The following VPS52 variants were observed in gnomAD, a reference collection of about 807,000 sequenced individuals.
VPS52 encodes vacuolar protein sorting-associated protein 52 homolog.
VPS52 carries 56 observed loss-of-function variants against 98.7 expected under a neutral mutation model. That is an observed-to-expected ratio of 0.57 (90% CI 0.46 to 0.71). VPS52 has a LOEUF of 0.71. Among genes scored for constraint, VPS52 ranks in the 30% least tolerant of loss-of-function variants. VPS52 has a pLI of 0.00. For missense variants in VPS52, 742 were observed against 925.9 expected (o/e 0.80, Z 2.58); for synonymous variants, 348 against 346.4 (o/e 1.00, Z -0.05).
At position 33,258,819 on chromosome 6, in the gene VPS52, C is replaced by T. The variant is rs138153037; in HGVS notation, c.1794+4665G>A. Among the ~76,000 whole-genome samples the T allele has an allele frequency of 6.3e-3, 965 of 152,274 alleles. 11 individuals carry two copies. The highest frequency in any genetic ancestry group is 0.021 in the African/African-American group (877 of 41,552). ...CTGGCCTCAACTGATCCATCCGCCT[C>T]AGCCTCCCAAAGTGCTGGGATTACA... is the stretch of plus-strand genomic sequence containing the variant. On this transcript the variant is annotated intron_variant, in intron 17 of 19. Transcript: ENST00000445902.
At chr6:33,269,261 T>A in intron 5 of VPS52, 72 bp from the exon 6 acceptor site, 2 of 1,580,638 alleles carry the variant, frequency 1.3e-6, no homozygotes, top group Non-Finnish European at 1.7e-6. Context: ...AAAGACTCTT[T>A]GTGAAGTCTT....
chr6:33,271,508 T>C lies in VPS52; in HGVS notation c.90+78A>G, dbSNP rs1448475967. On this transcript the variant is annotated intron_variant, in intron 1 of 19. Coordinates refer to ENST00000445902, the MANE Select transcript of VPS52 (RefSeq NM_022553.6). ...CGGGTAGCAGCCAAGTTCCCACCCT[T>C]GTGCCTAAACCCAGCTCAGGTCTTT... 2.6e-6 allele frequency: 4 copies of C among 1,547,422 alleles called. No individual in the cohort carries two copies. The Admixed American group carries it at 5.9e-5, about 23-fold the overall frequency.
chr6:33,271,900 C>CT, upstream of VPS52: 1 of 1,123,068 alleles, frequency 8.9e-7, no homozygotes, highest in South Asian at 1.6e-5. Flanking sequence ...TCGCTGTTCT[C>CT]TTACCTATGA....
In VPS52 at chr6:33,251,582, T is replaced by G; in HGVS notation, c.1961A>C (p.Glu654Ala). Residue 654 changes from glutamate (E) to alanine (A), a missense_variant, in exon 19 of 20, where the codon GAA becomes GCA. By Grantham distance (107) the Glu-to-Ala change is moderately radical. This residue lies in a region of VPS52 where 590 missense variants were observed against 793.3 expected (regional missense o/e 0.74). Coordinates refer to ENST00000445902, the MANE Select transcript of VPS52 (RefSeq NM_022553.6). ...GFGSSWKSSV[E>A]SLSQDVMRSF... ...CCGCATTACATCCTGACTCAGAGAT[T>G]CCACTGATGATTTCCAGGAACTACC... The G allele has an allele frequency of 6.2e-7, 1 of 1,614,078 alleles. No homozygotes were observed. The highest frequency in any genetic ancestry group is 8.5e-7 in the Non-Finnish European group (1 of 1,180,000).
At chr6:33,259,482 A>C (rs971525294) in intron 17 of VPS52, among the ~76,000 whole-genome samples, 22 of 152,196 alleles carry the variant, frequency 1.4e-4, no homozygotes, top group Non-Finnish European at 2.8e-4. Flanking sequence ...AACATTTGAA[A>C]TGATGCTCAA....
intron 17 of VPS52, among the ~76,000 whole-genome samples, chr6:33,253,106 A>G (rs113047101): frequency 2.0e-3 from 298 of 152,294 alleles, no homozygotes; most frequent in African/African-American, 5.9e-3. Flanking sequence ...TCTTCCAAAA[A>G]TAAATTGCAG....
At chr6:33,262,003 G>C (rs764764881) in intron 17 of VPS52, among the ~76,000 whole-genome samples, 1 of 114,878 alleles carries the variant, frequency 8.7e-6, no homozygotes, top group Non-Finnish European at 1.6e-5. Flanking sequence ...TCGCACCATC[G>C]CACTCCAGCC....
At chr6:33,258,386 C>CAAA (rs9280387) in intron 17 of VPS52, among the ~76,000 whole-genome samples, 5 of 88,730 alleles carry the variant, frequency 5.6e-5, no homozygotes, top group East Asian at 3.4e-4. Context: ...AACTCCATCT[C>CAAA]AAAAAAAAAA....
rs565893106 is a variant in VPS52 at position 33,270,813 on chromosome 6, C to A, written c.91-530G>T. 3.7e-4 allele frequency among the ~76,000 whole-genome samples: 56 copies of A among 151,852 alleles called. 1 individual carries two copies. In the South Asian group the frequency reaches 8.5e-3, roughly 23 times the overall value. ...AAAAATACAAAAAATTAGCCGGGCG[C>A]GGTGGCGGGCGCCTGTAGTCCCAGC... On this transcript the variant is annotated intron_variant, in intron 1 of 19. Coordinates refer to ENST00000445902, the MANE Select transcript of VPS52 (RefSeq NM_022553.6).
At chr6:33,269,645 A>G in intron 4 of VPS52, 88 bp from the exon 5 acceptor site, 2 of 1,569,950 alleles carry the variant, frequency 1.3e-6, no homozygotes, top group South Asian at 2.3e-5. Flanking sequence ...TTGAAGTGAT[A>G]GAAACCTCAG....
intron 17 of VPS52, among the ~76,000 whole-genome samples, chr6:33,258,386 C>CAAAAAAAAA (rs9280387): frequency 1.1e-5 from 1 of 88,736 alleles, no homozygotes; most frequent in Non-Finnish European, 2.2e-5. Context: ...AACTCCATCT[C>CAAAAAAAAA]AAAAAAAAAA....
At chr6:33,258,480 T>TAAAC (rs1763265224) in intron 17 of VPS52, among the ~76,000 whole-genome samples, 1 of 120,780 alleles carries the variant, frequency 8.3e-6, no homozygotes, top group Non-Finnish European at 1.8e-5. Context: ...AAAAAAAAAG[T>TAAAC]AAAAAGATAC....
At position 33,266,709 on chromosome 6, in the gene VPS52, G is replaced by T. The variant is rs1345679419; in HGVS notation, c.1129C>A (p.Pro377Thr). The T allele has an allele frequency of 3.1e-6, 5 of 1,606,944 alleles. No homozygotes were observed. In the Admixed American group the frequency reaches 6.8e-5, roughly 22 times the overall value. The change falls in exon 12 of 20, where the codon CCA becomes ACA. Residue 377 changes from proline to threonine, a missense_variant. Pro to Thr is a conservative substitution (Grantham distance 38, BLOSUM62 -1). This residue lies in a region of VPS52 where 590 missense variants were observed against 793.3 expected (regional missense o/e 0.74). Coordinates refer to ENST00000445902, the MANE Select transcript of VPS52 (RefSeq NM_022553.6). ...TGGCTGCGGAAGAGGGCCTCAAATG[G>T]ATACTGGGAGAGGAGGAGTAAAGAA... is the stretch of plus-strand genomic sequence containing the variant. ...HTAQRGEQRY[P>T]FEALFRSQHY... is the part of the protein sequence containing the mutation.
chr6:33,268,622 C>A lies in VPS52; in HGVS notation c.576G>T (p.Glu192Asp), dbSNP rs1321262549. 2 of 1,608,242 alleles carry A rather than the reference C, an allele frequency of 1.2e-6. No homozygotes were observed. Among genetic ancestry groups the A allele is most frequent in the Non-Finnish European group, 8.5e-7 (1 of 1,179,722 alleles). Residue 192 changes from glutamate to aspartate, a missense_variant, in exon 7 of 20, where the codon GAG becomes GAT. Glu to Asp is a conservative substitution (Grantham distance 45). This residue lies in a region of VPS52 where 590 missense variants were observed against 793.3 expected (regional missense o/e 0.74). Transcript: ENST00000445902. This position sits in a 1 kb window ranked among gnomAD's most constrained non-coding sequence, Gnocchi z 4.0. ...VTAILEAPVT[E>D]PRFLEQLQEL... ...CCTGTAGCTGCTCCAAGAACCTGGG[C>A]TCTGTCACTGGAGCCTCCAGAATTG...
chr6:33,263,688 T>C, intron 16 of VPS52, 84 bp downstream of exon 16: 1 of 1,585,780 alleles, frequency 6.3e-7, no homozygotes, highest in South Asian at 1.1e-5. Context: ...AAGACAGGCA[T>C]CATCTCTGCC....
chr6:33,256,522 C>G (rs1249226193), intron 17 of VPS52, among the ~76,000 whole-genome samples: 2 of 132,154 alleles, frequency 1.5e-5, no homozygotes, highest in African/African-American at 5.7e-5. Context: ...AGCCCATGAT[C>G]ATGATCATGG....
chr6:33,255,397 C>T (rs1762807625), intron 17 of VPS52, among the ~76,000 whole-genome samples: 2 of 151,314 alleles, frequency 1.3e-5, no homozygotes, highest in South Asian at 4.2e-4. Context: ...GCCTTAATCT[C>T]CTGCAATGAT....
rs1442928822 is a variant in VPS52 at position 33,267,085 on chromosome 6, A to T, written c.1125+103T>A. ...GGCCACTCCCAAGTCTAAGGGGATT[A>T]AGACAGGGCCTGCAGGTTGGGAAGC... On this transcript the variant is annotated intron_variant, in intron 11 of 19. Transcript: ENST00000445902. This position sits in a 1 kb window ranked among gnomAD's most constrained non-coding sequence, Gnocchi z 4.2. The T allele has an allele frequency of 7.1e-7, 1 of 1,408,166 alleles. No individual in the cohort carries two copies. Among genetic ancestry groups the T allele is most frequent in the Non-Finnish European group, 9.3e-7 (1 of 1,069,780 alleles). The allele number at this position is 1,408,166 out of a possible 1,614,324, so 87.2% of individuals were successfully genotyped here.
chr6:33,253,580 ATGTAT>A (rs1414245120), intron 17 of VPS52, among the ~76,000 whole-genome samples: 3 of 151,864 alleles, frequency 2.0e-5, no homozygotes, highest in Non-Finnish European at 2.9e-5. Context: ...AAGTGTGATA[ATGTAT>A]TGTAGTTTTT....
Sources: gnomAD v4.1 joint callset for allele counts (sites outside exome capture counted in the v4.1 genomes callset) on GRCh38, gnomAD v4.1.1 for gene constraint, gnomAD v4.1.1 regional missense constraint, Gnocchi (gnomAD v3.1) non-coding constraint, MANE v1.5 for transcripts, NCBI Gene and HGNC (gene_info 2026-07-23, HGNC 2026-07-21) for gene names.